FAM151B: variants seen among roughly 807,000 people sequenced by gnomAD.
FAM151B encodes the protein protein FAM151B.
A neutral mutation model predicts 31.2 loss-of-function variants in FAM151B; 24 were observed. The observed-to-expected ratio is 0.77, with a 90% CI of 0.56 to 1.08. The LOEUF is 1.08. Ranked by LOEUF, FAM151B falls within the 50% of genes least tolerant of loss-of-function variation. The pLI, the probability that FAM151B is intolerant of heterozygous loss-of-function variation, is 0.00. For synonymous variants in FAM151B, 105 were observed against 111.4 expected (o/e 0.94, Z 0.36); for missense variants, 293 against 328.6 (o/e 0.89, Z 0.84).
At chr5:80,519,937 G>T (rs1416428596) in intron 4 of FAM151B, 27 bp downstream of exon 4, 1 of 1,589,296 alleles carries the variant, frequency 6.3e-7, no homozygotes, top group South Asian at 1.1e-5. Context: ...TGTATTTCTT[G>T]GTCAAATTAA....
chr5:80,490,942 T>C (rs1743311082), intron 1 of FAM151B, among the ~76,000 whole-genome samples: 1 of 152,210 alleles, frequency 6.6e-6, no homozygotes, highest in South Asian at 2.1e-4. Context: ...GGTAGTCACT[T>C]TTGGAAACTG....
chr5:80,494,464 C>CTTTCTTTTCT (rs1743441450), intron 1 of FAM151B, among the ~76,000 whole-genome samples: 1 of 45,326 alleles, frequency 2.2e-5, no homozygotes, highest in African/African-American at 8.5e-5. Context: ...TCTTTTCTTT[C>CTTTCTTTTCT]TTTCTTTCTT....
intron 1 of FAM151B, chr5:80,500,886 C>A: frequency 1.2e-6 from 1 of 820,978 alleles, no homozygotes; most frequent in Non-Finnish European, 2.1e-6. Context: ...GCATCCTCTG[C>A]ATGGAGGATC....
In FAM151B at chr5:80,541,676, C is replaced by A; in HGVS notation, c.675C>A (p.Tyr225Ter). The A allele has an allele frequency of 6.2e-7, 1 of 1,613,234 alleles. No individual in the cohort carries two copies. Residue 225 changes from tyrosine (Y) to a stop codon, truncating the protein, a stop_gained, in exon 6 of 6, where the codon TAC (tyrosine) becomes TAA (stop). Transcript: ENST00000282226. LOFTEE classifies it high-confidence loss of function. ...LLWLLKKSNR[Y>*]SLTIWTGKND... ...ATTCTGTTTTATTTCAATGCAGGTACAGCCTGACTATTTGGACTGGAAAAA... is the reference window on the plus strand; with the variant it reads ...ATTCTGTTTTATTTCAATGCAGGTAAAGCCTGACTATTTGGACTGGAAAAA...
chr5:80,507,448 A>G (rs1466398468), intron 2 of FAM151B, among the ~76,000 whole-genome samples: 3 of 152,156 alleles, frequency 2.0e-5, no homozygotes, highest in Non-Finnish European at 4.4e-5. Context: ...TGGGAGGCCA[A>G]GGCAGGTGGA....
chr5:80,541,596 G>C, intron 5 of FAM151B, 77 bp from the exon 6 acceptor site: 2 of 1,373,188 alleles, frequency 1.5e-6, no homozygotes, highest in Non-Finnish European at 2.0e-6. Flanking sequence ...ATAAATGAAA[G>C]CATTTTTAGG....
chr5:80,522,910 C>T (rs1322214856), intron 5 of FAM151B, among the ~76,000 whole-genome samples: 2 of 151,796 alleles, frequency 1.3e-5, no homozygotes, highest in African/African-American at 4.8e-5. Context: ...AGAGATCAAT[C>T]AGTAGAACAA....
In FAM151B at chr5:80,513,662, C is replaced by CA. The variant is rs1744286915; in HGVS notation, c.210_211insA (p.Gln71ThrfsTer9). ...TTCCAAGTGATGGATCAGAACACAGCCAGCCAATTATGGCCCATCCCCCTG... is the reference window on the plus strand; with the variant it reads ...TTCCAAGTGATGGATCAGAACACAGCACAGCCAATTATGGCCCATCCCCCTG... On this transcript the variant is annotated frameshift_variant, in exon 3 of 6. Transcript: ENST00000282226. LOFTEE classifies it high-confidence loss of function. 4 of 1,614,002 alleles carry CA rather than the reference C, an allele frequency of 2.5e-6. No individual in the cohort carries two copies. Among genetic ancestry groups the CA allele is most frequent in the Non-Finnish European group, 3.4e-6 (4 of 1,180,022 alleles).
intron 3 of FAM151B, among the ~76,000 whole-genome samples, chr5:80,514,963 G>T (rs1744353598): frequency 6.6e-6 from 1 of 151,906 alleles, no homozygotes; most frequent in Non-Finnish European, 1.5e-5. Context: ...TTTTCGACCG[G>T]GCACGGTGGC....
rs192034423 is a variant in FAM151B, at chr5:80,519,710, C to A, written c.335C>A (p.Pro112Gln). Residue 112 changes from proline (P) to glutamine (Q), a missense_variant, in exon 4 of 6, where the codon CCA becomes CAA. Physicochemically the swap from Pro to Gln is moderately conservative, Grantham distance 76 (BLOSUM62 -1). Transcript: ENST00000282226. ...GTTTTTAGTCTGGCAGTTGTAGAAC[C>A]ATCCATGATGCTCTTGGAAAATGTG... ...LDFKSLAVVE[P>Q]SMMLLENVKR... The A allele has an allele frequency of 4.2e-5, 68 of 1,613,890 alleles. No homozygotes were observed. In the East Asian group the frequency reaches 1.5e-3, roughly 35 times the overall value.
chr5:80,495,263 CTGCAGCCCG>C lies in FAM151B; in HGVS notation c.26-6526_26-6518del, dbSNP rs1743487711. 7 of 152,326 alleles carry C rather than the reference CTGCAGCCCG, an allele frequency of 4.6e-5. No individual in the cohort carries two copies. The South Asian group carries it at 1.5e-3, about 32-fold the overall frequency. The allele number at this position is 152,326 out of a possible 1,614,324, so 9.4% of individuals were successfully genotyped here. ...GTTTTCCTGCATGCTTGCATCTATT[CTGCAGCCCG>C]TGGATCAAAGGGTAATCTTGACTTA... On this transcript the variant is annotated intron_variant, in intron 1 of 5. Coordinates refer to ENST00000282226, the MANE Select transcript of FAM151B (RefSeq NM_205548.3).
intron 1 of FAM151B, among the ~76,000 whole-genome samples, chr5:80,497,577 G>T (rs1743591773): frequency 6.6e-6 from 1 of 152,032 alleles, no homozygotes; most frequent in South Asian, 2.1e-4. Flanking sequence ...TCCTCTGTAA[G>T]TTTTAAGATA....
At chr5:80,500,506 G>T in intron 1 of FAM151B, 1 of 763,798 alleles carries the variant, frequency 1.3e-6, no homozygotes, top group South Asian at 1.4e-5. Flanking sequence ...ACTGTCACAA[G>T]GAATATAGGC....
chr5:80,523,545 G>A (rs1012373507), intron 5 of FAM151B, among the ~76,000 whole-genome samples: 3 of 152,150 alleles, frequency 2.0e-5, no homozygotes, highest in Non-Finnish European at 4.4e-5. Flanking sequence ...AGCATCGTTT[G>A]TATTAATAAA....
intron 2 of FAM151B, among the ~76,000 whole-genome samples, chr5:80,506,413 C>T (rs1190571927): frequency 6.6e-6 from 1 of 152,166 alleles, no homozygotes; most frequent in Non-Finnish European, 1.5e-5. Flanking sequence ...ACAATAACAT[C>T]ACTGAGCTGC....
intron 2 of FAM151B, among the ~76,000 whole-genome samples, chr5:80,504,395 C>A (rs1743867845): frequency 6.6e-6 from 1 of 151,558 alleles, no homozygotes; most frequent in Non-Finnish European, 1.5e-5. Flanking sequence ...CCTTTTTTTT[C>A]ATGTAGGAGA....
In FAM151B at chr5:80,490,019, TACAC is replaced by T. The variant is rs71601587; in HGVS notation, c.25+1901_25+1904del. Among the ~76,000 whole-genome samples, 185 of 144,680 alleles carry T rather than the reference TACAC, an allele frequency of 1.3e-3. 1 individual carries two copies. The highest frequency in any genetic ancestry group is 5.6e-3 in the South Asian group (25 of 4,476). The allele number at this position is 144,680 out of a possible 152,430, so 94.9% of individuals were successfully genotyped here. The stretch of plus-strand genomic sequence containing the variant: ...TCCGTTATATGTCATTTTTCCCCCT[TACAC>T]ACACACACACACACACACACACACA... On this transcript the variant is annotated intron_variant, in intron 1 of 5. Coordinates refer to ENST00000282226, the MANE Select transcript of FAM151B (RefSeq NM_205548.3).
intron 5 of FAM151B, among the ~76,000 whole-genome samples, chr5:80,531,887 G>T (rs1481951393): frequency 1.3e-5 from 2 of 152,212 alleles, no homozygotes; most frequent in Admixed American, 1.3e-4. Flanking sequence ...TCATTACTGG[G>T]TATATACCCA....
At chr5:80,511,250 T>C (rs777054588) in intron 2 of FAM151B, among the ~76,000 whole-genome samples, 8 of 151,836 alleles carry the variant, frequency 5.3e-5, no homozygotes, top group Non-Finnish European at 1.2e-4. Flanking sequence ...GGTGAGAGAA[T>C]CATTTGAGTC....
Sources: gnomAD v4.1 joint callset for allele counts (sites outside exome capture counted in the v4.1 genomes callset) on GRCh38, gnomAD v4.1.1 for gene constraint, MANE v1.5 for transcripts, NCBI Gene and HGNC (gene_info 2026-07-23, HGNC 2026-07-21) for gene names.